NRG1: variants seen among roughly 807,000 people sequenced by gnomAD.
NRG1 encodes the protein neuregulin 1.
NRG1 carries 18 observed loss-of-function variants against 63.8 expected under a neutral mutation model. That is an observed-to-expected ratio of 0.28 (90% CI 0.19 to 0.42). NRG1 has a LOEUF of 0.42. NRG1 is among the 10% of genes least tolerant of loss of function. NRG1 has a pLI of 1.00. For synonymous variants in NRG1, 302 were observed against 301.3 expected (o/e 1.00, Z -0.02); for missense variants, 762 against 814.7 (o/e 0.94, Z 0.79).
rs1268075973 is a variant in NRG1 at position 32,375,698 on chromosome 8, G to A, written c.38-220130G>A. ...TCCTTCTCAAGAAGTCCTGCAACTG[G>A]AGCTACTAATGAAAGCTCTTTCCAG... On this transcript the variant is annotated intron_variant, in intron 1 of 10. Coordinates refer to the NRG1 transcript ENST00000519301. 3.9e-5 allele frequency among the ~76,000 whole-genome samples: 6 copies of A among 152,268 alleles called. No homozygotes were observed. The South Asian group carries it at 1.0e-3, about 26-fold the overall frequency.
At chr8:32,089,134 G>C (rs1383068863) in intron 1 of NRG1, among the ~76,000 whole-genome samples, 4 of 152,140 alleles carry the variant, frequency 2.6e-5, no homozygotes, top group Non-Finnish European at 4.4e-5. Flanking sequence ...GGAGAGAAAG[G>C]CAATTTGTAG....
intron 1 of NRG1, among the ~76,000 whole-genome samples, chr8:32,128,852 A>G (rs1434077940): frequency 6.6e-6 from 1 of 151,934 alleles, no homozygotes; most frequent in Non-Finnish European, 1.5e-5. Context: ...TTCTGATAGG[A>G]TAAAAGTTCA....
At chr8:32,600,905 T>C (rs1023691892) in intron 2 of NRG1, among the ~76,000 whole-genome samples, 1 of 152,152 alleles carries the variant, frequency 6.6e-6, no homozygotes, top group African/African-American at 2.4e-5. Context: ...TATAAGGGAA[T>C]CAAGTAGTCT....
chr8:31,983,149 G>A (rs1369100461), intron 1 of NRG1, among the ~76,000 whole-genome samples: 3 of 152,058 alleles, frequency 2.0e-5, no homozygotes, highest in African/African-American at 7.2e-5. Context: ...CAATGATAAT[G>A]TCATATATAT....
intron 1 of NRG1, among the ~76,000 whole-genome samples, chr8:31,905,983 T>C (rs1585651059): frequency 6.6e-6 from 1 of 152,212 alleles, no homozygotes; most frequent in African/African-American, 2.4e-5. Context: ...GTGAACAATA[T>C]TAGCTATACT....
At chr8:32,378,563 G>T (rs533540777) in intron 1 of NRG1, among the ~76,000 whole-genome samples, 123 of 152,244 alleles carry the variant, frequency 8.1e-4, no homozygotes, top group East Asian at 2.1e-3. Context: ...CAAGGGATTT[G>T]CCCTGATTCT....
At chr8:31,940,303 T>C (rs1801561720) in intron 1 of NRG1, among the ~76,000 whole-genome samples, 1 of 152,006 alleles carries the variant, frequency 6.6e-6, no homozygotes, top group Admixed American at 6.6e-5. Flanking sequence ...GAATGATCAT[T>C]GAGTCAACAA....
intron 1 of NRG1, among the ~76,000 whole-genome samples, chr8:32,169,836 T>A (rs191751291): frequency 6.6e-6 from 1 of 152,324 alleles, no homozygotes; most frequent in African/African-American, 2.4e-5. Context: ...TATATGCTTG[T>A]CTTAACCCCA....
chr8:32,514,111 A>T (rs761624019), intron 1 of NRG1, among the ~76,000 whole-genome samples: 23 of 152,200 alleles, frequency 1.5e-4, no homozygotes, highest in Non-Finnish European at 2.6e-4. Context: ...CTTTGCCAAG[A>T]CTTGTCTGCA....
intron 1 of NRG1, among the ~76,000 whole-genome samples, chr8:32,334,105 A>G (rs561117315): frequency 1.3e-5 from 2 of 152,326 alleles, no homozygotes; most frequent in South Asian, 2.1e-4. Flanking sequence ...AGGTACTTAC[A>G]TCTTTTATTT....
At chr8:31,755,073 A>C in intron 1 of NRG1, among the ~76,000 whole-genome samples, 1 of 151,804 alleles carries the variant, frequency 6.6e-6, no homozygotes, top group East Asian at 1.9e-4. Context: ...TTTTTTCCTC[A>C]CACTTATAAC....
intron 1 of NRG1, among the ~76,000 whole-genome samples, chr8:32,526,841 G>C (rs1830896410): frequency 6.6e-6 from 1 of 152,096 alleles, no homozygotes; most frequent in South Asian, 2.1e-4. Context: ...TGACTCACAG[G>C]CTCCTTTGTT....
chr8:31,740,870 A>G (rs919405767), intron 1 of NRG1, among the ~76,000 whole-genome samples: 1 of 152,024 alleles, frequency 6.6e-6, no homozygotes, highest in Non-Finnish European at 1.5e-5. Context: ...CATAATGGGT[A>G]TATATTCAAA....
At chr8:31,699,209 C>T (rs1423718568) in intron 1 of NRG1, among the ~76,000 whole-genome samples, 1 of 151,390 alleles carries the variant, frequency 6.6e-6, no homozygotes, top group African/African-American at 2.4e-5. Context: ...TTTTTTTCCT[C>T]ATTATAAAAA....
In NRG1 at chr8:31,942,011, T is replaced by A. The variant is rs117948864; in HGVS notation, c.37+302580T>A. 1.8e-3 allele frequency among the ~76,000 whole-genome samples: 280 copies of A among 152,068 alleles called. 1 individual carries two copies. The highest frequency in any genetic ancestry group is 6.8e-3 in the Middle Eastern group (2 of 294). On this transcript the variant is annotated intron_variant, in intron 1 of 10. Coordinates refer to the NRG1 transcript ENST00000519301. ...TGCAATTCCCTTCAAAATACCATCATCACTCTTCACATAACTAGACAAAAC... is the reference window on the plus strand; with the variant it reads ...TGCAATTCCCTTCAAAATACCATCAACACTCTTCACATAACTAGACAAAAC...
intron 1 of NRG1, among the ~76,000 whole-genome samples, chr8:32,267,256 C>T (rs1179960393): frequency 6.6e-6 from 1 of 152,084 alleles, no homozygotes. Flanking sequence ...AATGATGTGT[C>T]CCAGACAATG....
At chr8:32,548,138 C>G, upstream of NRG1, 1 of 858,870 alleles carries the variant, frequency 1.2e-6, no homozygotes, top group South Asian at 5.3e-5. Flanking sequence ...CCCGGGAGCG[C>G]CGAGCCCAGG....
At chr8:32,061,340 T>C (rs909073113) in intron 1 of NRG1, among the ~76,000 whole-genome samples, 4 of 151,968 alleles carry the variant, frequency 2.6e-5, no homozygotes, top group African/African-American at 9.7e-5. Context: ...TATCCCTGAG[T>C]GTGTAATAAA....
chr8:32,430,963 T>G (rs917495547), intron 1 of NRG1, among the ~76,000 whole-genome samples: 1 of 152,164 alleles, frequency 6.6e-6, no homozygotes, highest in African/African-American at 2.4e-5. Flanking sequence ...TCTAGAGATG[T>G]CACCATAATA....
Sources: gnomAD v4.1 joint callset for allele counts (sites outside exome capture counted in the v4.1 genomes callset) on GRCh38, gnomAD v4.1.1 for gene constraint, MANE v1.5 for transcripts, NCBI Gene and HGNC (gene_info 2026-07-23, HGNC 2026-07-21) for gene names.